DMTF1: variants seen among roughly 807,000 people sequenced by gnomAD.
DMTF1 encodes cyclin D binding myb like transcription factor 1, also known as cyclin-D-binding Myb-like transcription factor 1.
Under a neutral mutation model 91.1 loss-of-function variants are expected in DMTF1, and 39 were observed. That is an observed-to-expected ratio of 0.43 (90% CI 0.33 to 0.56). The LOEUF is 0.56. DMTF1 is among the 20% of genes least tolerant of loss of function. DMTF1 has a pLI of 0.05. For missense variants in DMTF1, 750 were observed against 914.5 expected (o/e 0.82, Z 2.32); for synonymous variants, 338 against 309.5 (o/e 1.09, Z -0.97).
chr7:87,155,031 A>G (rs1790316328), intron 1 of DMTF1, among the ~76,000 whole-genome samples: 1 of 152,310 alleles, frequency 6.6e-6, no homozygotes, highest in East Asian at 1.9e-4. Flanking sequence ...TATTTTAAAC[A>G]GTTGCCTTTG....
At position 87,191,004 on chromosome 7, in the gene DMTF1, C is replaced by A. The variant is rs764634233; in HGVS notation, c.1471C>A (p.Leu491Ile). 1 of 1,607,412 alleles carries A rather than the reference C, an allele frequency of 6.2e-7. No individual in the cohort carries two copies. ...AACAATAACACTAAACAGTGGAACA[C>A]TACAGACATTTGAGATTCTTCCCGT... ...SETITLNSGTLQTFEILPSFH... is the reference protein window; with the variant it reads ...SETITLNSGTIQTFEILPSFH... The change falls in exon 14 of 18, where the codon CTA (leucine) becomes ATA (isoleucine). Residue 491 changes from leucine (L) to isoleucine (I), a missense_variant. Leu to Ile is a conservative substitution (Grantham distance 5). This residue lies in a region of DMTF1 where 410 missense variants were observed against 420.2 expected (regional missense o/e 0.98). Coordinates refer to ENST00000331242, the MANE Select transcript of DMTF1 (RefSeq NM_001142327.2).
At chr7:87,156,507 A>G (rs780278255) in intron 1 of DMTF1, among the ~76,000 whole-genome samples, 13 of 152,260 alleles carry the variant, frequency 8.5e-5, no homozygotes, top group Non-Finnish European at 1.3e-4. Flanking sequence ...AAACTTTTCC[A>G]CAAAGTATAT....
intron 1 of DMTF1, among the ~76,000 whole-genome samples, chr7:87,160,416 A>G (rs1791999307): frequency 6.6e-6 from 1 of 151,842 alleles, no homozygotes; most frequent in South Asian, 2.1e-4. Flanking sequence ...CTGGGATTAC[A>G]GGCGCCTGCC....
chr7:87,168,582 A>G (rs370967067), intron 4 of DMTF1, among the ~76,000 whole-genome samples: 2 of 152,132 alleles, frequency 1.3e-5, no homozygotes, highest in South Asian at 4.1e-4. Flanking sequence ...GTTAATCATT[A>G]TAATCACTGT....
chr7:87,159,951 G>A (rs969881050), intron 1 of DMTF1, among the ~76,000 whole-genome samples: 5 of 152,164 alleles, frequency 3.3e-5, no homozygotes, highest in African/African-American at 9.7e-5. Context: ...TTACATGACT[G>A]TCTTTATTTT....
At chr7:87,187,909 T>C (rs2129174745) in intron 12 of DMTF1, 183 bp from the exon 13 acceptor site, 1 of 583,068 alleles carries the variant, frequency 1.7e-6, no homozygotes, top group South Asian at 2.2e-5. Flanking sequence ...TTTGTTACGA[T>C]GTTTATAAAA....
chr7:87,173,120 A>T (rs993070103), intron 5 of DMTF1, among the ~76,000 whole-genome samples: 1 of 152,212 alleles, frequency 6.6e-6, no homozygotes, highest in African/African-American at 2.4e-5. Flanking sequence ...CAACCCTAGG[A>T]CTTCCATTTT....
intron 15 of DMTF1, 56 bp from the exon 16 acceptor site, chr7:87,193,669 A>AC: frequency 1.4e-6 from 2 of 1,435,514 alleles, no homozygotes; most frequent in Non-Finnish European, 1.9e-6. Context: ...ACAGTGAGGT[A>AC]CCCCCATAAA....
chr7:87,182,292 T>A lies in DMTF1; in HGVS notation c.775T>A (p.Ser259Thr). Residue 259 changes from serine to threonine, a missense_variant, in exon 10 of 18, where the codon TCT (serine) becomes ACT (threonine). Physicochemically the swap from Ser to Thr is moderately conservative, Grantham distance 58. Coordinates refer to ENST00000331242, the MANE Select transcript of DMTF1 (RefSeq NM_001142327.2). ...IGAALGRSAS[S>T]VKDRCRLMKD... ...GGCGGCGCTAGGAAGAAGTGCATCT[T>A]CTGTCAAAGATCGGTGCCGACTGAT... 1 of 1,614,144 alleles carries A rather than the reference T, an allele frequency of 6.2e-7. No homozygotes were observed.
chr7:87,182,535 A>AT (rs1281476940), intron 10 of DMTF1, among the ~76,000 whole-genome samples, 198 bp downstream of exon 10: 5 of 152,214 alleles, frequency 3.3e-5, no homozygotes, highest in African/African-American at 1.2e-4. Flanking sequence ...ATAAGGTAAC[A>AT]TTGTCTTCAG....
At position 87,193,594 on chromosome 7, in the gene DMTF1, C is replaced by T. The variant is rs537252907; in HGVS notation, c.1651-131C>T. 3 of 973,812 alleles carry T rather than the reference C, an allele frequency of 3.1e-6. No homozygotes were observed. In the African/African-American group the frequency reaches 5.0e-5, roughly 16 times the overall value. The allele number at this position is 973,812 out of a possible 1,614,324, so 60.3% of individuals were successfully genotyped here. A position where few individuals can be genotyped will look rare whatever the true frequency, so the allele number is the denominator to read the frequency against. On this transcript the variant is annotated intron_variant, in intron 15 of 17. Coordinates refer to ENST00000331242, the MANE Select transcript of DMTF1 (RefSeq NM_001142327.2). The stretch of plus-strand genomic sequence containing the variant: ...AACAAAGGCCCTAGCAAGTAAAGGA[C>T]AAGGGTTCTAGAAAAATAGTGATAA...
intron 4 of DMTF1, among the ~76,000 whole-genome samples, chr7:87,170,606 A>G (rs1008948863): frequency 2.6e-5 from 4 of 152,116 alleles, no homozygotes; most frequent in African/African-American, 9.7e-5. Flanking sequence ...AGTCTTGGTC[A>G]CTTTTCCTAG....
chr7:87,193,494 G>A, intron 15 of DMTF1, 141 bp downstream of exon 15: 1 of 889,612 alleles, frequency 1.1e-6, no homozygotes, highest in East Asian at 2.6e-5. Flanking sequence ...CCATCACTCT[G>A]CCTTCACTGG....
At chr7:87,194,336 A>T in intron 16 of DMTF1, 2 of 493,878 alleles carry the variant, frequency 4.0e-6, no homozygotes, top group Admixed American at 4.0e-5. Flanking sequence ...TTTCCTCTTT[A>T]CCTACAATAC....
At position 87,196,134 on chromosome 7, in the gene DMTF1, C is replaced by T. The variant is rs1447608793; in HGVS notation, c.*994C>T. The T allele has an allele frequency of 6.5e-6, 1 of 152,998 alleles. No individual in the cohort carries two copies. The highest frequency in any genetic ancestry group is 2.4e-5 in the African/African-American group (1 of 41,316). The allele number at this position is 152,998 out of a possible 1,614,324, so 9.5% of individuals were successfully genotyped here. ...TTGGGCTTTTTAATGAATATGACCC[C>T]TATAGAAAAGTCAAGAAAAAAAAAC... On this transcript the variant is annotated 3_prime_UTR_variant, in exon 18 of 18. Coordinates refer to ENST00000331242, the MANE Select transcript of DMTF1 (RefSeq NM_001142327.2).
At chr7:87,162,681 C>T (rs1232544369) in intron 1 of DMTF1, 4 of 152,080 alleles carry the variant, frequency 2.6e-5, no homozygotes, top group African/African-American at 7.2e-5. Flanking sequence ...AATCTAATAG[C>T]TTAATGGTTC....
At chr7:87,192,708 T>C (rs1185588867) in intron 14 of DMTF1, 1 of 152,410 alleles carries the variant, frequency 6.6e-6, no homozygotes, top group Non-Finnish European at 1.5e-5. Flanking sequence ...ATTTAATAGT[T>C]AACCAGCTTT....
intron 7 of DMTF1, among the ~76,000 whole-genome samples, chr7:87,178,189 T>C (rs562098027): frequency 1.3e-5 from 2 of 152,260 alleles, no homozygotes; most frequent in South Asian, 4.1e-4. Flanking sequence ...ATTGATAACT[T>C]GCCTAAGTTC....
At chr7:87,184,946 C>T (rs1332209629) in intron 11 of DMTF1, 3 of 485,360 alleles carry the variant, frequency 6.2e-6, no homozygotes, top group Non-Finnish European at 1.2e-5. Flanking sequence ...CAATGTGCCT[C>T]AGTCCTAGCC....
Sources: gnomAD v4.1 joint callset for allele counts (sites outside exome capture counted in the v4.1 genomes callset) on GRCh38, gnomAD v4.1.1 for gene constraint, gnomAD v4.1.1 regional missense constraint, MANE v1.5 for transcripts, NCBI Gene and HGNC (gene_info 2026-07-23, HGNC 2026-07-21) for gene names.